Variants in AKAP19 observed in about 807,000 individuals in gnomAD.
The protein encoded by AKAP19 is A-kinase anchoring protein 19.
At chr2:190,098,097 T>C in the AKAP19 span, among the ~76,000 whole-genome samples, 1 of 152,112 alleles carries the variant, frequency 6.6e-6, no homozygotes, top group African/African-American at 2.4e-5. Flanking sequence ...TGTTGAGAGT[T>C]TGATCTCCTC....
At chr2:190,039,658 T>C in the AKAP19 span, among the ~76,000 whole-genome samples, 3,961 of 152,050 alleles carry the variant, frequency 0.026, 173 homozygotes, top group East Asian at 0.18. Flanking sequence ...CTTTTCTGCT[T>C]GTCTCCCTCC....
the AKAP19 span, among the ~76,000 whole-genome samples, chr2:190,194,508 AC>A: frequency 6.6e-6 from 1 of 150,986 alleles, no homozygotes; most frequent in African/African-American, 2.5e-5. Context: ...ACACACACAC[AC>A]ACACACACAC....
At chr2:190,009,150 A>T in the AKAP19 span, among the ~76,000 whole-genome samples, 1 of 152,154 alleles carries the variant, frequency 6.6e-6, no homozygotes, top group Admixed American at 6.5e-5. Context: ...ATAGTCAGGG[A>T]AGTGTGGTGT....
chr2:190,095,866 G>A, the AKAP19 span, among the ~76,000 whole-genome samples: 13 of 152,284 alleles, frequency 8.5e-5, no homozygotes, highest in Admixed American at 2.6e-4. Flanking sequence ...GATGGAACTT[G>A]TAAGTCTACA....
At chr2:190,008,730 GCACACA>G in the AKAP19 span, among the ~76,000 whole-genome samples, 16,903 of 120,578 alleles carry the variant, frequency 0.14, 1,095 homozygotes, top group African/African-American at 0.18. Flanking sequence ...ATGTGCACGT[GCACACA>G]CACACACACA....
At chr2:190,139,794 G>C in the AKAP19 span, among the ~76,000 whole-genome samples, 1 of 151,872 alleles carries the variant, frequency 6.6e-6, no homozygotes, top group African/African-American at 2.4e-5. Context: ...TTCCTCCCCC[G>C]GCCCCTCCCA....
chr2:190,203,052 CTTA>C, the AKAP19 span: 5 of 166,972 alleles, frequency 3.0e-5, no homozygotes, highest in African/African-American at 1.2e-4. Flanking sequence ...GTCAAACTGC[CTTA>C]TTAGTATTAA....
the AKAP19 span, among the ~76,000 whole-genome samples, chr2:190,197,871 T>C: frequency 2.0e-5 from 3 of 152,038 alleles, no homozygotes; most frequent in Non-Finnish European, 2.9e-5. This position sits in a 1 kb window ranked among gnomAD's most constrained non-coding sequence, Gnocchi z 4.0. Context: ...CCACTGATGG[T>C]TCCACTCACA....
chr2:189,918,521 G>C, the AKAP19 span, among the ~76,000 whole-genome samples: 44 of 152,284 alleles, frequency 2.9e-4, no homozygotes, highest in African/African-American at 9.6e-4. Context: ...ATAAGTGTTG[G>C]TGAGAATGTG....
the AKAP19 span, among the ~76,000 whole-genome samples, chr2:190,193,092 A>AAAGTGTTGTCT: frequency 6.6e-6 from 1 of 152,162 alleles, no homozygotes; most frequent in African/African-American, 2.4e-5. Context: ...TCATAGGGAA[A>AAAGTGTTGTCT]AAGTGTTGTC....
the AKAP19 span, among the ~76,000 whole-genome samples, chr2:189,967,399 A>G: frequency 1.3e-5 from 2 of 152,226 alleles, no homozygotes; most frequent in Admixed American, 6.5e-5. Context: ...CTTCAAAACC[A>G]AAAAGAAAAG....
At chr2:190,107,522 G>C in the AKAP19 span, among the ~76,000 whole-genome samples, 2 of 152,098 alleles carry the variant, frequency 1.3e-5, no homozygotes, top group African/African-American at 4.8e-5. Context: ...AAGAAATATG[G>C]AATTGGGCCG....
chr2:190,092,253 G>T, the AKAP19 span, among the ~76,000 whole-genome samples: 1 of 152,126 alleles, frequency 6.6e-6, no homozygotes, highest in Non-Finnish European at 1.5e-5. Context: ...TTCCAAGAAG[G>T]CCTCTAAGAT....
the AKAP19 span, among the ~76,000 whole-genome samples, chr2:189,891,688 G>C: frequency 1.3e-5 from 2 of 151,978 alleles, no homozygotes; most frequent in African/African-American, 4.8e-5. Context: ...TTCAACCTTG[G>C]TGAATCTAAT....
At chr2:190,057,937 T>C in the AKAP19 span, among the ~76,000 whole-genome samples, 17 of 151,842 alleles carry the variant, frequency 1.1e-4, no homozygotes, top group Non-Finnish European at 2.2e-4. Flanking sequence ...CCTGAAAATA[T>C]TTATGGGAAG....
the AKAP19 span, among the ~76,000 whole-genome samples, chr2:190,177,364 G>A: frequency 1.4e-3 from 215 of 152,224 alleles, 2 homozygotes; most frequent in East Asian, 0.022. The surrounding 1 kb of genome is among the most constrained non-coding windows in gnomAD (Gnocchi z 4.6). Flanking sequence ...ATGAACACTC[G>A]CAAACTATGC....
At chr2:190,042,149 G>C in the AKAP19 span, among the ~76,000 whole-genome samples, 3 of 152,008 alleles carry the variant, frequency 2.0e-5, no homozygotes, top group African/African-American at 4.8e-5. Flanking sequence ...TTAGGTCCCA[G>C]GCTTTTTTTA....
At chr2:190,072,290 TG>T in the AKAP19 span, among the ~76,000 whole-genome samples, 3 of 151,950 alleles carry the variant, frequency 2.0e-5, no homozygotes, top group African/African-American at 4.8e-5. Context: ...AAACAAGGGT[TG>T]AAAAACTAAC....
the AKAP19 span, among the ~76,000 whole-genome samples, chr2:190,145,972 C>T: frequency 5.0e-5 from 2 of 39,840 alleles, no homozygotes; most frequent in Admixed American, 4.0e-4. Flanking sequence ...ATGGTTATTC[C>T]ATTTTTCTTT....
Sources: gnomAD v4.1 joint callset for allele counts (sites outside exome capture counted in the v4.1 genomes callset) on GRCh38, gnomAD v4.1.1 for gene constraint, Gnocchi (gnomAD v3.1) non-coding constraint, MANE v1.5 for transcripts, NCBI Gene and HGNC (gene_info 2026-07-23, HGNC 2026-07-21) for gene names.